ALMS1: variants seen among roughly 807,000 people sequenced by gnomAD.
ALMS1 encodes ALMS1 centrosome and basal body associated protein, also known as centrosome-associated protein ALMS1.
A neutral mutation model predicts 352.2 loss-of-function variants in ALMS1; 271 were observed. That is an observed-to-expected ratio of 0.77 (90% confidence interval 0.70 to 0.85). The LOEUF is 0.85. Ranked by LOEUF, ALMS1 falls within the 40% of genes least tolerant of loss-of-function variation. ALMS1 has a pLI of 0.00. For synonymous variants in ALMS1, 1,865 were observed against 1,761.2 expected, an observed-to-expected ratio of 1.06 and a Z score of -1.48; for missense variants, 5,445 against 4,870.7, an observed-to-expected ratio of 1.12 and a Z score of -3.51.
chr2:73,590,268 G>A (rs1198758464), intron 16 of ALMS1, among the ~76,000 whole-genome samples: 2 of 151,932 alleles, frequency 1.3e-5, no homozygotes, highest in African/African-American at 2.4e-5. Context: ...GAAAATATAT[G>A]GAAAATTTTT....
intron 9 of ALMS1, among the ~76,000 whole-genome samples, chr2:73,476,431 G>T (rs980818687): frequency 1.3e-5 from 2 of 152,030 alleles, no homozygotes; most frequent in African/African-American, 2.4e-5. Context: ...GGAATTCCTG[G>T]ATCATACAGT....
intron 11 of ALMS1, among the ~76,000 whole-genome samples, chr2:73,529,619 C>T (rs537678837): frequency 1.3e-5 from 2 of 152,260 alleles, no homozygotes; most frequent in Admixed American, 6.5e-5. Flanking sequence ...GTCACTGTAG[C>T]CATATCTCCA....
intron 19 of ALMS1, among the ~76,000 whole-genome samples, 195 bp downstream of exon 19, chr2:73,601,631 C>T (rs1485325839): frequency 6.6e-6 from 1 of 152,196 alleles, no homozygotes; most frequent in Admixed American, 6.5e-5. Context: ...TTACTCCTAA[C>T]CATAGATGGT....
Position 73,449,295 on chromosome 2 carries a change from C to G in ALMS1, c.2768C>G (p.Pro923Arg). ...KPIIFSQQTL[P>R]DFLFPEEALK... ...ATTATTTTTTCCCAGCAGACCCTGC[C>G]AGACTTTCTTTTCCCTGAAGAAGCT... Residue 923 changes from proline to arginine, a missense_variant, in exon 8 of 23, where the codon CCA becomes CGA. Pro to Arg is a moderately radical substitution (Grantham distance 103). Coordinates refer to ENST00000613296, the MANE Select transcript of ALMS1 (RefSeq NM_001378454.1). 1 of 1,614,024 alleles carries G rather than the reference C, an allele frequency of 6.2e-7. No homozygotes were observed. The highest frequency in any genetic ancestry group is 8.5e-7 in the Non-Finnish European group (1 of 1,179,990).
intron 12 of ALMS1, among the ~76,000 whole-genome samples, chr2:73,540,718 G>C (rs962594750): frequency 1.3e-5 from 2 of 152,120 alleles, no homozygotes. Flanking sequence ...GGCAGGGGTT[G>C]CAATCCTAGT....
At position 73,519,908 on chromosome 2, in the gene ALMS1, C is replaced by G. The variant is rs200215551; in HGVS notation, c.9673C>G (p.Arg3225Gly). The change falls in exon 11 of 23, where the codon CGT becomes GGT. Residue 3225 changes from arginine to glycine, a missense_variant. Coordinates refer to ENST00000613296, the MANE Select transcript of ALMS1 (RefSeq NM_001378454.1). ...TGAGATTTTTATTAATGCTGAAGAT[C>G]GTGGACATGAAATTATAGAGCCTGG... is the stretch of plus-strand genomic sequence containing the variant. ...SSEIFINAEDRGHEIIEPGNQ... is the reference protein window; with the variant it reads ...SSEIFINAEDGGHEIIEPGNQ... 2 of 1,613,962 alleles carry G rather than the reference C, an allele frequency of 1.2e-6. No individual in the cohort carries two copies. The highest frequency in any genetic ancestry group is 1.3e-5 in the African/African-American group (1 of 74,908).
chr2:73,557,309 G>A lies in ALMS1; in HGVS notation c.10168G>A (p.Ala3390Thr), dbSNP rs758464404. The stretch of plus-strand genomic sequence containing the variant: ...TCACAGTACAAGGGCAGTGACTGAG[G>A]CTGCCCAGGCTAAAGAAAAAGAATC... Reference protein sequence around the residue: ...EIHSTRAVTEAAQAKEKESLQ... With the variant: ...EIHSTRAVTETAQAKEKESLQ... The change falls in exon 14 of 23, where the codon GCT becomes ACT. Residue 3390 changes from alanine (A) to threonine (T), a missense_variant. By Grantham distance (58) the Ala-to-Thr change is moderately conservative (BLOSUM62 0). Transcript: ENST00000613296. The A allele has an allele frequency of 6.2e-7, 1 of 1,614,142 alleles. No individual in the cohort carries two copies. Among genetic ancestry groups the A allele is most frequent in the South Asian group, 1.1e-5 (1 of 91,082 alleles).
At chr2:73,548,622 C>T (rs1439799524) in intron 12 of ALMS1, among the ~76,000 whole-genome samples, 1 of 152,212 alleles carries the variant, frequency 6.6e-6, no homozygotes, top group Admixed American at 6.5e-5. Flanking sequence ...CCACCATTTA[C>T]AGTTGTTTGT....
chr2:73,492,248 G>A (rs559321552), intron 10 of ALMS1, among the ~76,000 whole-genome samples: 2 of 152,158 alleles, frequency 1.3e-5, no homozygotes, highest in East Asian at 2.0e-4. Flanking sequence ...AAGAGGCATC[G>A]TACCACAGTG....
intron 7 of ALMS1, among the ~76,000 whole-genome samples, chr2:73,441,859 C>G (rs966205778): frequency 6.6e-6 from 1 of 151,816 alleles, no homozygotes; most frequent in Non-Finnish European, 1.5e-5. Flanking sequence ...CAGAAGACAA[C>G]TGGAGTTTTG....
intron 16 of ALMS1, among the ~76,000 whole-genome samples, chr2:73,577,469 G>GT (rs1201568571): frequency 1.3e-5 from 2 of 148,560 alleles, no homozygotes; most frequent in African/African-American, 4.9e-5. Flanking sequence ...GATTTAGTAT[G>GT]TTTTTTTTTC....
At chr2:73,524,737 C>T (rs939698867) in intron 11 of ALMS1, among the ~76,000 whole-genome samples, 58 of 152,172 alleles carry the variant, frequency 3.8e-4, no homozygotes, top group Non-Finnish European at 1.3e-4. Flanking sequence ...CAGATGTGAG[C>T]CACCATGCCT....
rs1337132546 is a variant in ALMS1, at chr2:73,490,672, T to C, written c.8713T>C (p.Ser2905Pro). ...AGATGACCATGTGAGGAAACACCAT[T>C]CTCCCTCTCCTCAACATCAGGATTA... ...RADDHVRKHH[S>P]PSPQHQDYVA... The change falls in exon 10 of 23, where the codon TCT becomes CCT. Residue 2905 changes from serine to proline, a missense_variant. Ser to Pro is a moderately conservative substitution (Grantham distance 74). Coordinates refer to ENST00000613296, the MANE Select transcript of ALMS1 (RefSeq NM_001378454.1). 1 of 1,613,998 alleles carries C rather than the reference T, an allele frequency of 6.2e-7. No individual in the cohort carries two copies. Among genetic ancestry groups the C allele is most frequent in the African/African-American group, 1.3e-5 (1 of 74,888 alleles).
At chr2:73,574,990 C>T (rs963054669) in intron 16 of ALMS1, among the ~76,000 whole-genome samples, 2 of 152,136 alleles carry the variant, frequency 1.3e-5, no homozygotes, top group African/African-American at 4.8e-5. Flanking sequence ...TTTTCCTATT[C>T]TGGTTGTTTC....
intron 9 of ALMS1, among the ~76,000 whole-genome samples, chr2:73,485,849 G>A (rs541557219): frequency 4.1e-4 from 63 of 152,256 alleles, no homozygotes; most frequent in Non-Finnish European, 7.8e-4. Context: ...AGGTGCGTCC[G>A]TCACCCCTTT....
intron 4 of ALMS1, 121 bp from the exon 5 acceptor site, chr2:73,424,309 T>C (rs938377550): frequency 1.0e-5 from 7 of 678,810 alleles, no homozygotes; most frequent in Non-Finnish European, 1.6e-5. Context: ...GAGAGCTGTG[T>C]TTTTCAATAC....
At chr2:73,574,086 C>G (rs1436769233) in intron 16 of ALMS1, among the ~76,000 whole-genome samples, 2 of 152,138 alleles carry the variant, frequency 1.3e-5, no homozygotes, top group East Asian at 3.8e-4. Context: ...CAATAACATT[C>G]ACTTTTTAAT....
At position 73,448,921 on chromosome 2, in the gene ALMS1, C is replaced by T. The variant is rs749555689; in HGVS notation, c.2394C>T (p.Asp798=). The T allele has an allele frequency of 8.1e-6, 13 of 1,613,984 alleles. No individual in the cohort carries two copies. Among genetic ancestry groups the T allele is most frequent in the Admixed American group, 1.7e-5 (1 of 59,992 alleles). Residue 798 remains aspartate, a synonymous_variant, in exon 8 of 23, where the codon GAC becomes GAT. Coordinates refer to ENST00000613296, the MANE Select transcript of ALMS1 (RefSeq NM_001378454.1). The part of the protein sequence containing the change: ...LKVSAVAGPA[D]QKTGLPTVPS... ...TTTCAGCTGTTGCTGGACCAGCTGA[C>T]CAGAAGACTGGCCTACCAACAGTAC...
Position 73,449,125 on chromosome 2 carries a change from G to A in ALMS1, c.2598G>A (p.Lys866=), listed in dbSNP as rs760421159. The A allele has an allele frequency of 6.2e-6, 10 of 1,613,878 alleles. No individual in the cohort carries two copies. The highest frequency in any genetic ancestry group is 5.0e-5 in the Admixed American group (3 of 59,972). The change falls in exon 8 of 23, where the codon AAG becomes AAA. Residue 866 remains lysine (K), a synonymous_variant. Transcript: ENST00000613296. ...CTGCGTCCTCTTCACTTGGAGAAAA[G>A]CCCAGTGCTTTCTATCAGCAGACCT... is the stretch of plus-strand genomic sequence containing the variant. ...TSSASSSLGE[K]PSAFYQQTLP...
Sources: gnomAD v4.1 joint callset for allele counts (sites outside exome capture counted in the v4.1 genomes callset) on GRCh38, gnomAD v4.1.1 for gene constraint, MANE v1.5 for transcripts, NCBI Gene and HGNC (gene_info 2026-07-23, HGNC 2026-07-21) for gene names.